ABHD4: variants seen among roughly 807,000 people sequenced by gnomAD.
The protein encoded by ABHD4 is abhydrolase domain containing 4, N-acyl phospholipase B, also known as (Lyso)-N-acylphosphatidylethanolamine lipase.
ABHD4 carries 35 observed loss-of-function variants against 42.3 expected under a neutral mutation model. The observed-to-expected ratio is 0.83, with a 90% CI of 0.63 to 1.10. The LOEUF (loss-of-function observed/expected upper bound fraction) is 1.10. Among genes scored for constraint, ABHD4 ranks in the 50% least tolerant of loss-of-function variants. The pLI, the probability that ABHD4 is intolerant of heterozygous loss-of-function variation, is 0.00. For synonymous variants in ABHD4, 169 were observed against 170.6 expected, an observed-to-expected ratio of 0.99 and a Z score of 0.07; for missense variants, 389 against 454.8, an observed-to-expected ratio of 0.86 and a Z score of 1.32.
At chr14:22,600,188 T>C (rs1345835191) in intron 1 of ABHD4, 2 of 456,014 alleles carry the variant, frequency 4.4e-6, no homozygotes, top group Admixed American at 2.3e-5. Flanking sequence ...CACAGTCACA[T>C]TGCTGGTAAG....
chr14:22,605,446 G>A (rs1396818169), intron 4 of ABHD4, among the ~76,000 whole-genome samples: 2 of 152,038 alleles, frequency 1.3e-5, no homozygotes, highest in Non-Finnish European at 2.9e-5. Flanking sequence ...TCCAGATAAA[G>A]AAAAAAAGCA....
chr14:22,611,062 G>A lies in ABHD4; in HGVS notation c.*114G>A, dbSNP rs2037410086. Reference sequence around the variant, plus strand: ...AACTAACATGTGCCAGCCAGGCAGAGTCTTGTGCTGTTCCCAGAACAGGAC... The same window carrying A: ...AACTAACATGTGCCAGCCAGGCAGAATCTTGTGCTGTTCCCAGAACAGGAC... On this transcript the variant is annotated 3_prime_UTR_variant, in exon 7 of 7. Transcript: ENST00000428304. 1 of 883,510 alleles carries A rather than the reference G, an allele frequency of 1.1e-6. No individual in the cohort carries two copies. The highest frequency in any genetic ancestry group is 2.1e-4 in the Middle Eastern group (1 of 4,660). 54.7% of individuals were successfully genotyped at this position (883,510 alleles called of 1,614,324 possible).
chr14:22,608,103 T>G (rs1432560693), intron 5 of ABHD4, among the ~76,000 whole-genome samples: 1 of 152,238 alleles, frequency 6.6e-6, no homozygotes, highest in South Asian at 2.1e-4. Context: ...AACTAAAGTA[T>G]ATTCTGGTTA....
At position 22,611,253 on chromosome 14, in the gene ABHD4, C is replaced by G; in HGVS notation, c.*305C>G. ...GGTGGAGGATGTGAAGGGATTGCAC[C>G]AAGCCACATTCACTCTCTCTGTGGC... On this transcript the variant is annotated 3_prime_UTR_variant, in exon 7 of 7. Transcript: ENST00000428304. The G allele has an allele frequency of 2.9e-6, 1 of 339,924 alleles. No homozygotes were observed. Among genetic ancestry groups the G allele is most frequent in the East Asian group, 5.6e-5 (1 of 18,016 alleles). 21.1% of individuals were successfully genotyped at this position (339,924 alleles called of 1,614,324 possible).
intron 5 of ABHD4, 156 bp from the exon 6 acceptor site, chr14:22,609,568 A>C: frequency 2.7e-6 from 2 of 734,688 alleles, no homozygotes; most frequent in Non-Finnish European, 4.3e-6. Context: ...GGCCTCTGGA[A>C]TTTTGGTCTT....
intron 4 of ABHD4, chr14:22,605,885 G>C (rs942373826): frequency 4.0e-6 from 5 of 1,243,414 alleles, no homozygotes; most frequent in Non-Finnish European, 5.3e-6. Flanking sequence ...ACCATAATGA[G>C]GTGAAACGAA....
chr14:22,601,782 C>T (rs1022856855), intron 2 of ABHD4, 27 bp downstream of exon 2: 2 of 1,591,540 alleles, frequency 1.3e-6, no homozygotes, highest in Non-Finnish European at 1.7e-6. Context: ...GCTTGTCCCA[C>T]CTCCCTCATG....
At chr14:22,600,827 GGGGGGT>G (rs1189402000) in intron 1 of ABHD4, among the ~76,000 whole-genome samples, 48 of 99,292 alleles carry the variant, frequency 4.8e-4, no homozygotes, top group Admixed American at 4.5e-3. Flanking sequence ...ACGTCCAGCA[GGGGGGT>G]GTGTGTGTGT....
chr14:22,600,831 GGT>G (rs35284182), intron 1 of ABHD4, among the ~76,000 whole-genome samples: 3,406 of 65,034 alleles, frequency 0.052, 59 homozygotes, highest in Non-Finnish European at 0.064. Flanking sequence ...CCAGCAGGGG[GGT>G]GTGTGTGTGT....
At chr14:22,601,975 C>T (rs2037290788) in intron 2 of ABHD4, among the ~76,000 whole-genome samples, 1 of 152,136 alleles carries the variant, frequency 6.6e-6, no homozygotes, top group African/African-American at 2.4e-5. Flanking sequence ...GTGGATAGTT[C>T]CTGCCACTTC....
intron 4 of ABHD4, 200 bp downstream of exon 4, chr14:22,604,279 C>G (rs1484590791): frequency 9.6e-6 from 6 of 623,534 alleles, no homozygotes; most frequent in Non-Finnish European, 1.3e-5. Flanking sequence ...GAGACAAAGT[C>G]TCGCTCTGTC....
In ABHD4 at chr14:22,610,944, A is replaced by T. The variant is rs772211804; in HGVS notation, c.1025A>T (p.Asp342Val). The change falls in exon 7 of 7, where the codon GAT (aspartate) becomes GTT (valine). Residue 342 changes from aspartate to valine, a missense_variant. This residue lies in a region of ABHD4 where 249 missense variants were observed against 254.4 expected (regional missense o/e 0.98). Coordinates refer to ENST00000428304, the MANE Select transcript of ABHD4 (RefSeq NM_022060.3). Reference protein sequence around the residue: ...AVVEEICDSVD With the variant: ...AVVEEICDSVV Reference sequence around the variant, plus strand: ...GTGGAGGAGATCTGCGACTCAGTTGATTGAGCTGCTCTCTGAAGAGGAAGA... The same window carrying T: ...GTGGAGGAGATCTGCGACTCAGTTGTTTGAGCTGCTCTCTGAAGAGGAAGA... The T allele has an allele frequency of 6.2e-7, 1 of 1,613,930 alleles. No homozygotes were observed. The highest frequency in any genetic ancestry group is 1.1e-5 in the South Asian group (1 of 91,080).
Position 22,603,928 on chromosome 14 carries a change from T to C in ABHD4, c.489T>C (p.Val163=), listed in dbSNP as rs1467008869. The change falls in exon 4 of 7, where the codon GTT becomes GTC. Residue 163 remains valine, a synonymous_variant. Transcript: ENST00000428304. ...TSYSIKYPDR[V]KHLILVDPWG... ...CCTCTTTCCGCCTTTAACATAGAGT[T>C]AAACACCTCATCCTGGTGGACCCAT... is the stretch of plus-strand genomic sequence containing the variant. 6.2e-7 allele frequency: 1 copy of C among 1,614,206 alleles called. No individual in the cohort carries two copies. The highest frequency in any genetic ancestry group is 1.7e-5 in the Admixed American group (1 of 60,032).
At chr14:22,604,695 C>T (rs1021023424) in intron 4 of ABHD4, among the ~76,000 whole-genome samples, 20 of 152,102 alleles carry the variant, frequency 1.3e-4, no homozygotes, top group Non-Finnish European at 2.4e-4. Context: ...CTGCAACCTC[C>T]GCCTCCTGGG....
chr14:22,610,678 T>C (rs547783736), intron 6 of ABHD4, among the ~76,000 whole-genome samples, 181 bp from the exon 7 acceptor site: 9 of 152,228 alleles, frequency 5.9e-5, no homozygotes, highest in African/African-American at 1.9e-4. Context: ...GTAAGTAGAA[T>C]GGGAAAGCAT....
chr14:22,604,177 A>T, intron 4 of ABHD4, 98 bp downstream of exon 4: 1 of 1,386,756 alleles, frequency 7.2e-7, no homozygotes. Context: ...AAATTGGCCT[A>T]GCCTTGTTAT....
chr14:22,604,696 G>A (rs966526830), intron 4 of ABHD4, among the ~76,000 whole-genome samples: 5 of 151,984 alleles, frequency 3.3e-5, no homozygotes, highest in Non-Finnish European at 7.4e-5. Flanking sequence ...TGCAACCTCC[G>A]CCTCCTGGGT....
chr14:22,601,017 C>A (rs1434421361), intron 1 of ABHD4, among the ~76,000 whole-genome samples: 1 of 152,154 alleles, frequency 6.6e-6, no homozygotes, highest in Non-Finnish European at 1.5e-5. Context: ...ACTCATTTTA[C>A]AATCTAGAAA....
rs2037421018 is a variant in ABHD4, at chr14:22,612,038, G to T, written c.*1090G>T. 6.5e-6 allele frequency: 1 copy of T among 152,816 alleles called. No homozygotes were observed. The allele number at this position is 152,816 out of a possible 1,614,324, so 9.5% of individuals were successfully genotyped here. A position where few individuals can be genotyped will look rare whatever the true frequency, so the allele number is the denominator to read the frequency against. On this transcript the variant is annotated 3_prime_UTR_variant, in exon 7 of 7. Transcript: ENST00000428304. ...AAGCCCCTGCCCATGGCCCAATGGGGAGCCTCCAGCCACAAGTTCCCTGTC... is the reference window on the plus strand; with the variant it reads ...AAGCCCCTGCCCATGGCCCAATGGGTAGCCTCCAGCCACAAGTTCCCTGTC...
Sources: allele counts gnomAD v4.1 joint callset (sites outside exome capture counted in the v4.1 genomes callset), GRCh38; gene constraint gnomAD v4.1.1; regional missense constraint gnomAD v4.1.1; transcripts MANE v1.5; gene names NCBI Gene and HGNC (gene_info 2026-07-23, HGNC 2026-07-21).